CEACAM18: variants seen among roughly 807,000 people sequenced by gnomAD.
CEACAM18 encodes CEA cell adhesion molecule 18, also known as cell adhesion molecule CEACAM18.
A neutral mutation model predicts 34.3 loss-of-function variants in CEACAM18; 33 were observed. The ratio of observed to expected loss-of-function variants is 0.96; its 90% confidence interval spans 0.73 to 1.29. CEACAM18 has a LOEUF of 1.29. Among genes scored for constraint, CEACAM18 ranks in the 50% most tolerant of loss-of-function variants. The pLI, the probability that CEACAM18 is intolerant of heterozygous loss-of-function variation, is 0.00. For synonymous variants in CEACAM18, 169 were observed against 180.9 expected (o/e 0.93, Z 0.53); for missense variants, 474 against 485.0 (o/e 0.98, Z 0.21).
At chr19:51,485,232 G>A (rs975545171) in intron 5 of CEACAM18, 110 bp downstream of exon 5, 13 of 1,131,990 alleles carry the variant, frequency 1.1e-5, no homozygotes, top group Non-Finnish European at 1.6e-5. Flanking sequence ...GGATAAGCCA[G>A]GAACTAGGTT....
At chr19:51,486,486 G>T (rs144380226) in intron 5 of CEACAM18, among the ~76,000 whole-genome samples, 1 of 151,926 alleles carries the variant, frequency 6.6e-6, no homozygotes, top group African/African-American at 2.4e-5. Flanking sequence ...GTCAGGGACC[G>T]CATCTCCTTC....
At chr19:51,485,494 C>T (rs76026565) in intron 5 of CEACAM18, among the ~76,000 whole-genome samples, 7 of 152,278 alleles carry the variant, frequency 4.6e-5, no homozygotes, top group South Asian at 2.1e-4. Flanking sequence ...CAGGTATCAG[C>T]GGTGAACTAT....
At chr19:51,479,117 A>T (rs1193591482) in intron 1 of CEACAM18, among the ~76,000 whole-genome samples, 1 of 151,410 alleles carries the variant, frequency 6.6e-6, no homozygotes, top group Non-Finnish European at 1.5e-5. Flanking sequence ...CTCAGGCCAG[A>T]TTCCTTCCCA....
chr19:51,490,611 C>CA lies in CEACAM18; in HGVS notation c.1115dup (p.His372GlnfsTer5). 1 of 1,232,270 alleles carries CA rather than the reference C, an allele frequency of 8.1e-7. No individual in the cohort carries two copies. Among genetic ancestry groups the CA allele is most frequent in the Non-Finnish European group, 1.0e-6 (1 of 988,116 alleles). 76.3% of individuals were successfully genotyped at this position (1,232,270 alleles called of 1,614,324 possible). ...GGACAAATCGGGCTCCATGAGTGTC[C>CA]ACCCCAGACCTGAGGACAAGACCAG... is the stretch of plus-strand genomic sequence containing the variant. On this transcript the variant is annotated frameshift_variant, in exon 6 of 6. Coordinates refer to ENST00000396477, the Ensembl canonical transcript of CEACAM18. LOFTEE classifies it high-confidence loss of function.
intron 5 of CEACAM18, among the ~76,000 whole-genome samples, chr19:51,485,526 G>A (rs1989984698): frequency 1.3e-5 from 2 of 152,214 alleles, no homozygotes; most frequent in South Asian, 4.1e-4. Flanking sequence ...AGATTGGGCA[G>A]TGGGATGGTT....
exon 3 of CEACAM18, chr19:51,481,397 G>A (rs1005352477): frequency 1.2e-6 from 2 of 1,613,440 alleles, no homozygotes; most frequent in African/African-American, 2.7e-5. Flanking sequence ...ACCCAGAGTT[G>A]GGAAGCAATC....
chr19:51,481,949 G>A (rs1212560655), intron 3 of CEACAM18, among the ~76,000 whole-genome samples: 3 of 152,160 alleles, frequency 2.0e-5, no homozygotes, highest in African/African-American at 7.2e-5. Context: ...CTGCTTTTGT[G>A]TAAAGAGGGG....
intron 3 of CEACAM18, 85 bp downstream of exon 3, chr19:51,481,750 T>TTTTTAATGATAC: frequency 2.8e-5 from 39 of 1,411,574 alleles, no homozygotes; most frequent in Admixed American, 1.2e-4. Context: ...CAGGCTGAGC[T>TTTTTAATGATAC]GGAGAGAGGG....
chr19:51,480,218 G>A, intron 1 of CEACAM18, 115 bp from the exon 2 acceptor site: 1 of 849,576 alleles, frequency 1.2e-6, no homozygotes, highest in Middle Eastern at 2.5e-4. Flanking sequence ...ACTCTTGCCT[G>A]GTTCACCAGC....
intron 2 of CEACAM18, 54 bp downstream of exon 2, chr19:51,480,734 C>A: frequency 6.8e-7 from 1 of 1,479,416 alleles, no homozygotes. Context: ...AGATGTGACA[C>A]ATTTGAGAGA....
At chr19:51,491,126 C>A (rs750702431), downstream of CEACAM18, among the ~76,000 whole-genome samples, 11 of 152,254 alleles carry the variant, frequency 7.2e-5, no homozygotes, top group Admixed American at 1.3e-4. Flanking sequence ...GCGACCTGAA[C>A]GCAGCCCCAG....
intron 1 of CEACAM18, among the ~76,000 whole-genome samples, chr19:51,479,191 G>A (rs891176016): frequency 3.3e-5 from 5 of 151,720 alleles, no homozygotes; most frequent in South Asian, 2.1e-4. Context: ...GCTTTACCAC[G>A]TGTACTGTCC....
intron 1 of CEACAM18, among the ~76,000 whole-genome samples, chr19:51,479,672 T>A (rs1308028006): frequency 6.6e-6 from 1 of 151,326 alleles, no homozygotes; most frequent in East Asian, 2.0e-4. Context: ...GAGACCTGAG[T>A]GATGAATAGA....
chr19:51,485,554 C>T (rs12327650), intron 5 of CEACAM18, among the ~76,000 whole-genome samples: 29,867 of 152,022 alleles, frequency 0.2, 3,084 homozygotes, highest in Middle Eastern at 0.36. Flanking sequence ...GGGTTCAAAC[C>T]CCAGCTCTGC....
At chr19:51,478,985 G>A (rs1156278060) in intron 1 of CEACAM18, among the ~76,000 whole-genome samples, 2 of 151,250 alleles carry the variant, frequency 1.3e-5, no homozygotes, top group Non-Finnish European at 2.9e-5. Flanking sequence ...CACACAGAGA[G>A]AGAGAGAGAG....
intron 5 of CEACAM18, 143 bp downstream of exon 5, chr19:51,485,265 C>A (rs1240126931): frequency 8.6e-6 from 7 of 812,222 alleles, no homozygotes; most frequent in Non-Finnish European, 1.3e-5. Context: ...CTGGGGCAGA[C>A]AGATCAGCCC....
Sources: gnomAD v4.1 joint callset for allele counts (sites outside exome capture counted in the v4.1 genomes callset) on GRCh38, gnomAD v4.1.1 for gene constraint, MANE v1.5 for transcripts, NCBI Gene and HGNC (gene_info 2026-07-23, HGNC 2026-07-21) for gene names.